ERCC6: variants seen among roughly 807,000 people sequenced by gnomAD.
ERCC6 encodes the protein DNA excision repair protein ERCC-6.
ERCC6 carries 116 observed loss-of-function variants against 158.7 expected under a neutral mutation model. The ratio of observed to expected loss-of-function variants is 0.73; its 90% CI spans 0.63 to 0.85. ERCC6 has a LOEUF of 0.85. Ranked by LOEUF, ERCC6 falls within the 40% of genes least tolerant of loss-of-function variation. The pLI is 0.00. For synonymous variants in ERCC6, 678 were observed against 659.3 expected (o/e 1.03, Z -0.43); for missense variants, 1,698 against 1,799.4 (o/e 0.94, Z 1.02).
At position 49,487,483 on chromosome 10, in the gene ERCC6, G is replaced by A. The variant is rs377124191; in HGVS notation, c.1822-3967C>T. Among the ~76,000 whole-genome samples the A allele has an allele frequency of 2.9e-3, 442 of 152,208 alleles. 1 individual carries two copies. Among genetic ancestry groups the A allele is most frequent in the Non-Finnish European group, 4.6e-3 (316 of 68,008 alleles). On this transcript the variant is annotated intron_variant, in intron 8 of 20. Coordinates refer to ENST00000355832, the MANE Select transcript of ERCC6 (RefSeq NM_000124.4). ...ACAACGGCCTTAAAAACACACGTAC[G>A]GGTTCCCTCAGGACTCCCTCGCCAC...
the ERCC6 span, among the ~76,000 whole-genome samples, chr10:49,446,531 T>A: frequency 6.6e-6 from 1 of 152,186 alleles, no homozygotes; most frequent in Admixed American, 6.5e-5. Context: ...ATCCCAGTGC[T>A]TTGGGAGGCC....
In ERCC6 at chr10:49,470,621, T is replaced by C. The variant is rs763810265; in HGVS notation, c.3339A>G (p.Ala1113=). The stretch of plus-strand genomic sequence containing the variant: ...CTGACAACTCTTCTGGTCCAGATAC[T>C]GCATTTGTCTCTTCTCCAAGCCTAT... ...SNDRLGEETN[A]VSGPEELSVI... Residue 1113 remains alanine, a synonymous_variant, in exon 18 of 21, where the codon GCA becomes GCG. Coordinates refer to ENST00000355832, the MANE Select transcript of ERCC6 (RefSeq NM_000124.4). 4 of 1,613,488 alleles carry C rather than the reference T, an allele frequency of 2.5e-6. 1 individual carries two copies. Among genetic ancestry groups the C allele is most frequent in the South Asian group, 2.2e-5 (2 of 91,060 alleles).
intron 18 of ERCC6, among the ~76,000 whole-genome samples, chr10:49,462,102 A>G (rs1270341874): frequency 6.6e-6 from 1 of 152,236 alleles, no homozygotes; most frequent in Non-Finnish European, 1.5e-5. Flanking sequence ...GAAAACACTG[A>G]AAAGGCAAAG....
At chr10:49,531,845 GACACTGCCCAGA>G (rs1590489999) in intron 2 of ERCC6, among the ~76,000 whole-genome samples, 1 of 152,094 alleles carries the variant, frequency 6.6e-6, no homozygotes, top group Non-Finnish European at 1.5e-5. Context: ...TTGCTTACCT[GACACTGCCCAGA>G]ACACTGCCCA....
intron 8 of ERCC6, among the ~76,000 whole-genome samples, chr10:49,490,353 T>C (rs568705667): frequency 4.4e-4 from 46 of 104,886 alleles, no homozygotes; most frequent in African/African-American, 1.8e-3. Flanking sequence ...AATGAAAAAT[T>C]TTCCTTTTTT....
chr10:49,514,846 T>C (rs1395137976), intron 5 of ERCC6, among the ~76,000 whole-genome samples: 1 of 152,228 alleles, frequency 6.6e-6, no homozygotes, highest in African/African-American at 2.4e-5. Context: ...TTAGTCTAAT[T>C]TGCTAAATTG....
Position 49,474,008 on chromosome 10 carries a change from C to T in ERCC6, c.2598+19G>A. 1 of 1,609,328 alleles carries T rather than the reference C, an allele frequency of 6.2e-7. No homozygotes were observed. The highest frequency in any genetic ancestry group is 2.2e-5 in the East Asian group (1 of 44,856). On this transcript the variant is annotated intron_variant, in intron 13 of 20. Transcript: ENST00000355832. ...CATAAAGAACCAGCCTGTTTCCCGTCTGAAGTCTGTGCACTCACCTGCCTT... is the reference window on the plus strand; with the variant it reads ...CATAAAGAACCAGCCTGTTTCCCGTTTGAAGTCTGTGCACTCACCTGCCTT...
Position 49,470,626 on chromosome 10 carries a change from T to C in ERCC6, c.3334A>G (p.Asn1112Asp). The part of the protein sequence containing the change: ...TSNDRLGEET[N>D]AVSGPEELSV... ...AACTCTTCTGGTCCAGATACTGCAT[T>C]TGTCTCTTCTCCAAGCCTATCATTG... Residue 1112 changes from asparagine (N) to aspartate (D), a missense_variant, in exon 18 of 21, where the codon AAT (asparagine) becomes GAT (aspartate). Physicochemically the swap from Asn to Asp is conservative, Grantham distance 23. Transcript: ENST00000355832. The C allele has an allele frequency of 1.2e-6, 2 of 1,613,622 alleles. No homozygotes were observed. Among genetic ancestry groups the C allele is most frequent in the Non-Finnish European group, 1.7e-6 (2 of 1,179,640 alleles).
intron 12 of ERCC6, among the ~76,000 whole-genome samples, 199 bp downstream of exon 12, chr10:49,476,016 T>C (rs892237004): frequency 3.9e-5 from 6 of 152,186 alleles, no homozygotes; most frequent in African/African-American, 1.4e-4. Flanking sequence ...ACTTTCCACC[T>C]TTCACCAGTT....
intron 8 of ERCC6, among the ~76,000 whole-genome samples, chr10:49,491,940 C>G (rs1851180240): frequency 6.6e-6 from 1 of 152,164 alleles, no homozygotes; most frequent in Admixed American, 6.5e-5. Context: ...TAAGGTTTGA[C>G]TAGACAACAA....
Position 49,519,354 on chromosome 10 carries a change from C to G in ERCC6, c.1397+4679G>C, listed in dbSNP as rs564939414. Among the ~76,000 whole-genome samples, 23 of 152,314 alleles carry G rather than the reference C, an allele frequency of 1.5e-4. No homozygotes were observed. The South Asian group carries it at 4.8e-3, about 32-fold the overall frequency. On this transcript the variant is annotated intron_variant, in intron 5 of 20. Coordinates refer to ENST00000355832, the MANE Select transcript of ERCC6 (RefSeq NM_000124.4). ...TTATAACCATGTAAAGATGTGTATTCACAGAACCAAAGACTGGAATGACAT... is the reference window on the plus strand; with the variant it reads ...TTATAACCATGTAAAGATGTGTATTGACAGAACCAAAGACTGGAATGACAT...
chr10:49,504,502 C>T (rs1453302457), intron 6 of ERCC6: 3 of 152,114 alleles, frequency 2.0e-5, no homozygotes, highest in Non-Finnish European at 4.4e-5. Flanking sequence ...TCAACTTGAT[C>T]CTTGAGGATA....
At chr10:49,507,574 T>A (rs1416630309) in intron 5 of ERCC6, among the ~76,000 whole-genome samples, 2 of 152,220 alleles carry the variant, frequency 1.3e-5, no homozygotes, top group African/African-American at 4.8e-5. Flanking sequence ...TAGGTGGCTA[T>A]AAAAGTCTTC....
rs369647659 is a variant in ERCC6 at position 49,521,811 on chromosome 10, AG to A, written c.1397+2221del. On this transcript the variant is annotated intron_variant, in intron 5 of 20. Transcript: ENST00000355832. ...CCAAATGAAGGAAAGCAGGATCCAA[AG>A]GGCGACTGCCCAGTTCCATTAAAAA... Among the ~76,000 whole-genome samples, 638 of 152,358 alleles carry A rather than the reference AG, an allele frequency of 4.2e-3. 3 individuals are homozygous for A. The highest frequency in any genetic ancestry group is 0.015 in the African/African-American group (615 of 41,584).
In ERCC6 at chr10:49,470,546, A is replaced by T; in HGVS notation, c.3414T>A (p.Thr1138=). The T allele has an allele frequency of 6.2e-7, 1 of 1,614,196 alleles. No homozygotes were observed. The highest frequency in any genetic ancestry group is 1.1e-5 in the South Asian group (1 of 91,084). Residue 1138 remains threonine, a synonymous_variant, in exon 18 of 21, where the codon ACT becomes ACA. Coordinates refer to ENST00000355832, the MANE Select transcript of ERCC6 (RefSeq NM_000124.4). ...ECSNSSGTGK[T]SMPSGDESID... is the part of the protein sequence containing the mutation. Reference sequence around the variant, plus strand: ...TGCTTTCATCACCAGATGGCATAGAAGTTTTGCCTGTTCCTGAAGAATTTG... The same window carrying T: ...TGCTTTCATCACCAGATGGCATAGATGTTTTGCCTGTTCCTGAAGAATTTG...
intron 1 of ERCC6, among the ~76,000 whole-genome samples, chr10:49,538,229 G>A (rs1837648762): frequency 6.6e-6 from 1 of 152,232 alleles, no homozygotes. Flanking sequence ...CTCATTTGGA[G>A]GGTTGGTCGG....
At chr10:49,484,322 A>G (rs914680779) in intron 8 of ERCC6, among the ~76,000 whole-genome samples, 1 of 152,038 alleles carries the variant, frequency 6.6e-6, no homozygotes, top group Non-Finnish European at 1.5e-5. Context: ...GTTAGAAAAC[A>G]ATCACCATAA....
the ERCC6 span, among the ~76,000 whole-genome samples, chr10:49,441,535 CT>C: frequency 6.6e-6 from 1 of 152,234 alleles, no homozygotes; most frequent in Non-Finnish European, 1.5e-5. Context: ...ACATTTCCTC[CT>C]CTTCCCTTGC....
rs202046174 is a variant in ERCC6 at position 49,476,287 on chromosome 10, A to T, written c.2310T>A (p.Asp770Glu). ...NEQVLFCRLT[D>E]EQHKVYQNFV... ...AATTTTGGTAGACTTTATGCTGCTC[A>T]TCTGTAAGACGGCAAAATAAGACCT... Residue 770 changes from aspartate (D) to glutamate (E), a missense_variant, in exon 12 of 21, where the codon GAT (aspartate) becomes GAA (glutamate). Asp to Glu is a conservative substitution (Grantham distance 45). Transcript: ENST00000355832. The T allele has an allele frequency of 1.9e-6, 3 of 1,613,946 alleles. No individual in the cohort carries two copies. Among genetic ancestry groups the T allele is most frequent in the Non-Finnish European group, 1.7e-6 (2 of 1,179,842 alleles).
Sources: allele counts gnomAD v4.1 joint callset (sites outside exome capture counted in the v4.1 genomes callset), GRCh38; gene constraint gnomAD v4.1.1; transcripts MANE v1.5; gene names NCBI Gene and HGNC (gene_info 2026-07-23, HGNC 2026-07-21).